Variants in INPP5A observed in about 807,000 individuals in gnomAD.
The protein encoded by INPP5A is inositol polyphosphate-5-phosphatase A, also known as 43 kDa inositol polyphosphate 5-phophatase.
INPP5A carries 14 observed loss-of-function variants against 65.2 expected under a neutral mutation model. The ratio of observed to expected loss-of-function variants is 0.21; its 90% CI spans 0.14 to 0.34. INPP5A has a LOEUF of 0.34. Ranked by LOEUF, INPP5A falls within the 10% of genes least tolerant of loss-of-function variation. The pLI is 1.00. For synonymous variants in INPP5A, 207 were observed against 208.3 expected (o/e 0.99, Z 0.05); for missense variants, 431 against 545.6 (o/e 0.79, Z 2.09).
chr10:132,615,863 G>A (rs71503751), intron 2 of INPP5A, among the ~76,000 whole-genome samples: 24,584 of 152,128 alleles, frequency 0.16, 2,339 homozygotes, highest in Admixed American at 0.26. Context: ...CTGGGGCAAG[G>A]GGGTGTCTGC....
chr10:132,632,609 C>T (rs924867972), intron 2 of INPP5A, among the ~76,000 whole-genome samples: 3 of 152,368 alleles, frequency 2.0e-5, no homozygotes, highest in Middle Eastern at 3.4e-3. Flanking sequence ...CCCACCACCA[C>T]TGCACCCCGC....
chr10:132,744,699 A>G (rs1210313323), intron 9 of INPP5A, among the ~76,000 whole-genome samples: 2 of 152,074 alleles, frequency 1.3e-5, no homozygotes, highest in East Asian at 3.9e-4. Flanking sequence ...TTAACTGTGA[A>G]CGCCCTTTTA....
At chr10:132,724,287 C>T (rs1369868433) in intron 8 of INPP5A, among the ~76,000 whole-genome samples, 1 of 152,194 alleles carries the variant, frequency 6.6e-6, no homozygotes, top group Non-Finnish European at 1.5e-5. Context: ...TGGTGCCGAT[C>T]AATTGACCGT....
intron 12 of INPP5A, among the ~76,000 whole-genome samples, chr10:132,777,165 C>T (rs955788971): frequency 4.6e-5 from 7 of 152,190 alleles, no homozygotes; most frequent in South Asian, 4.1e-4. Flanking sequence ...AGCAGTGACC[C>T]GGGGCCACAG....
chr10:132,584,308 G>A (rs1162888543), intron 1 of INPP5A, among the ~76,000 whole-genome samples: 2 of 152,188 alleles, frequency 1.3e-5, no homozygotes, highest in African/African-American at 4.8e-5. Context: ...AGCCATCTGT[G>A]ATTGATGCTG....
rs903869614 is a variant in INPP5A, at chr10:132,587,287, C to T, written c.76-20628C>T. On this transcript the variant is annotated intron_variant, in intron 1 of 15. Transcript: ENST00000368594. The surrounding 1 kb of genome is among the most constrained non-coding windows in gnomAD (Gnocchi z 4.3). Reference sequence around the variant, plus strand: ...TACCTGCTGGCAGCAGGAGTGAGGGCCGTGTCTGGGCAGGAGGGGCTGGTA... The same window carrying T: ...TACCTGCTGGCAGCAGGAGTGAGGGTCGTGTCTGGGCAGGAGGGGCTGGTA... Among the ~76,000 whole-genome samples, 3 of 152,136 alleles carry T rather than the reference C, an allele frequency of 2.0e-5. No homozygotes were observed. The highest frequency in any genetic ancestry group is 4.4e-5 in the Non-Finnish European group (3 of 68,034).
At chr10:132,556,204 C>T (rs183823228) in intron 1 of INPP5A, among the ~76,000 whole-genome samples, 156 of 152,296 alleles carry the variant, frequency 1.0e-3, no homozygotes, top group African/African-American at 3.6e-3. Context: ...CCTGTGTCCT[C>T]CTGTGGCTTT....
At chr10:132,618,427 A>C (rs2072069317) in intron 2 of INPP5A, among the ~76,000 whole-genome samples, 1 of 152,266 alleles carries the variant, frequency 6.6e-6, no homozygotes, top group South Asian at 2.1e-4. Flanking sequence ...AACATAGCTC[A>C]GAGACAACTA....
chr10:132,781,858 C>T lies in INPP5A; in HGVS notation c.1159-3C>T, dbSNP rs756367224. The T allele has an allele frequency of 6.8e-6, 11 of 1,613,044 alleles. No individual in the cohort carries two copies. In the African/African-American group the frequency reaches 1.1e-4, roughly 16 times the overall value. On this transcript the variant is annotated splice_region_variant and splice_polypyrimidine_tract_variant and intron_variant, in intron 14 of 15. Coordinates refer to ENST00000368594, the MANE Select transcript of INPP5A (RefSeq NM_005539.5). ...CTGACACCGTCCTCTCTTCCTGCTG[C>T]AGCCCGTGTTCCTGGCCTTCCGAAT...
intron 7 of INPP5A, 116 bp downstream of exon 7, chr10:132,708,481 C>T (rs778172453): frequency 3.0e-6 from 3 of 1,004,124 alleles, no homozygotes; most frequent in South Asian, 1.3e-5. Flanking sequence ...GCATGAGGAC[C>T]CCCAGCTGCC....
intron 1 of INPP5A, among the ~76,000 whole-genome samples, chr10:132,596,434 G>GTT (rs796621283): frequency 9.8e-5 from 14 of 142,804 alleles, no homozygotes; most frequent in African/African-American, 3.3e-4. Context: ...GTTTTGTTTT[G>GTT]TTTTTTTTTT....
chr10:132,580,348 T>C (rs2071467236), intron 1 of INPP5A, among the ~76,000 whole-genome samples: 1 of 152,148 alleles, frequency 6.6e-6, no homozygotes, highest in South Asian at 2.1e-4. Context: ...GTGTGGCACT[T>C]CCCCTTTCAC....
intron 9 of INPP5A, 95 bp from the exon 10 acceptor site, chr10:132,749,422 C>T (rs1307957726): frequency 8.8e-7 from 1 of 1,136,114 alleles, no homozygotes; most frequent in Non-Finnish European, 1.3e-6. Context: ...TGTCTGGAAC[C>T]AGCCATCCTA....
At chr10:132,775,421 G>A (rs973701592) in intron 12 of INPP5A, among the ~76,000 whole-genome samples, 2 of 152,034 alleles carry the variant, frequency 1.3e-5, no homozygotes, top group Admixed American at 6.5e-5. Context: ...CAGGCCCCGC[G>A]TCCTGCTGCT....
intron 9 of INPP5A, among the ~76,000 whole-genome samples, chr10:132,739,794 G>T (rs540575669): frequency 1.2e-4 from 18 of 152,292 alleles, no homozygotes; most frequent in African/African-American, 3.9e-4. Flanking sequence ...TGAGGCCCTC[G>T]CCATGCCCCC....
At chr10:132,680,986 C>A (rs1423038951) in intron 4 of INPP5A, among the ~76,000 whole-genome samples, 1 of 152,256 alleles carries the variant, frequency 6.6e-6, no homozygotes, top group African/African-American at 2.4e-5. Context: ...AGCTCCGCCC[C>A]CTGCTCCAGG....
rs1474110720 is a variant in INPP5A, at chr10:132,546,365, G to A, written c.75+8194G>A. Among the ~76,000 whole-genome samples the A allele has an allele frequency of 2.6e-5, 4 of 152,086 alleles. No homozygotes were observed. Among genetic ancestry groups the A allele is most frequent in the Non-Finnish European group, 4.4e-5 (3 of 68,002 alleles). On this transcript the variant is annotated intron_variant, in intron 1 of 15. Transcript: ENST00000368594. The surrounding 1 kb of genome is among the most constrained non-coding windows in gnomAD (Gnocchi z 5.7). ...TTTTTCCCCGTTGTGAGTGAGAACA[G>A]CCCCACCTCCAGGAGCATGGCCTCC...
chr10:132,624,936 G>A (rs939099926), intron 2 of INPP5A, among the ~76,000 whole-genome samples: 1 of 152,026 alleles, frequency 6.6e-6, no homozygotes, highest in Non-Finnish European at 1.5e-5. Context: ...CCTGTCAGCA[G>A]GTGCTGCCCC....
chr10:132,614,961 T>G (rs577928330), intron 2 of INPP5A, among the ~76,000 whole-genome samples: 74 of 152,320 alleles, frequency 4.9e-4, no homozygotes, highest in African/African-American at 1.7e-3. Context: ...GTCTGTGGCG[T>G]AGGCCCCGCA....
Sources: allele counts gnomAD v4.1 joint callset (sites outside exome capture counted in the v4.1 genomes callset), GRCh38; gene constraint gnomAD v4.1.1; non-coding constraint Gnocchi (gnomAD v3.1); transcripts MANE v1.5; gene names NCBI Gene and HGNC (gene_info 2026-07-23, HGNC 2026-07-21).